TTN: variants seen among roughly 807,000 people sequenced by gnomAD.
The protein encoded by TTN is connectin.
Under a neutral mutation model 3,223.0 loss-of-function variants are expected in TTN, and 1,525 were observed. The ratio of observed to expected loss-of-function variants is 0.47; its 90% CI spans 0.45 to 0.49. TTN has a LOEUF of 0.49. Among genes scored for constraint, TTN ranks in the 20% least tolerant of loss-of-function variants. The pLI is 0.00. For synonymous variants in TTN, 14,094 were observed against 15,161.0 expected (o/e 0.93, Z 5.17); for missense variants, 40,786 against 43,424.0 (o/e 0.94, Z 5.40).
At position 178,672,412 on chromosome 2, in the gene TTN, G is replaced by A. The variant is rs375391365; in HGVS notation, c.34925C>T (p.Ala11642Val). 11 of 1,601,862 alleles carry A rather than the reference G, an allele frequency of 6.9e-6. No individual in the cohort carries two copies. The highest frequency in any genetic ancestry group is 1.4e-5 in the African/African-American group (1 of 73,968). Reference sequence around the variant, plus strand: ...CAGGATCTTTCCAAAAATACCTTTAGCTGGGGGAACAGCTTCCTTTTTAGG... The same window carrying A: ...CAGGATCTTTCCAAAAATACCTTTAACTGGGGGAACAGCTTCCTTTTTAGG... ...LVPKKEAVPP[A>V]KGRTVLEEKV... The change falls in exon 154 of 363, where the codon GCT becomes GTT. Residue 11642 changes from alanine (A) to valine (V), a missense_variant. By Grantham distance (64) the Ala-to-Val change is moderately conservative. Transcript: ENST00000589042.
chr2:178,670,315 A>C lies in TTN; in HGVS notation c.35309-20T>G, dbSNP rs1484011541. ...CCGGTACTTTAAAGATAATAGTAAT[A>C]ATTTCTTTTATTTTTAAATATACAA... On this transcript the variant is annotated intron_variant, in intron 156 of 362. Transcript: ENST00000589042. 1.5e-6 allele frequency: 2 copies of C among 1,345,058 alleles called. No individual in the cohort carries two copies. Among genetic ancestry groups the C allele is most frequent in the Non-Finnish European group, 1.9e-6 (2 of 1,028,708 alleles). The allele number at this position is 1,345,058 out of a possible 1,614,324, so 83.3% of individuals were successfully genotyped here.
Position 178,651,898 on chromosome 2 carries a change from G to T in TTN, c.39365C>A (p.Ala13122Glu). Reference protein sequence around the residue: ...PAEVVEEPEPAAPPQVTVPPK... With the variant: ...PAEVVEEPEPEAPPQVTVPPK... ...TTGCCATGTACCTTGTGGAGGCGCC[G>T]CTGGCTCTGGCTCTTCCACAACTTC... Residue 13122 changes from alanine (A) to glutamate (E), a missense_variant, in exon 205 of 363, where the codon GCG becomes GAG. Ala to Glu is a moderately radical substitution (Grantham distance 107). Coordinates refer to ENST00000589042, the MANE Select transcript of TTN (RefSeq NM_001267550.2). The T allele has an allele frequency of 1.2e-6, 2 of 1,608,038 alleles. No homozygotes were observed. The highest frequency in any genetic ancestry group is 1.1e-5 in the South Asian group (1 of 89,904).
In TTN at chr2:178,733,865, T is replaced by G. The variant is rs903635675; in HGVS notation, c.15524A>C (p.Asp5175Ala). Residue 5175 changes from aspartate to alanine, a missense_variant, in exon 53 of 363, where the codon GAT becomes GCT. Physicochemically the swap from Asp to Ala is moderately radical, Grantham distance 126. Coordinates refer to ENST00000589042, the MANE Select transcript of TTN (RefSeq NM_001267550.2). ...KEPPTFVKKV[D>A]DLIALGGQTV... The stretch of plus-strand genomic sequence containing the variant: ...TTGTCCTCCTAGTGCAATCAAATCA[T>G]CTACTTTCTTTACAAAGGTTGGAGG... The G allele has an allele frequency of 1.2e-6, 2 of 1,601,822 alleles. No individual in the cohort carries two copies. Among genetic ancestry groups the G allele is most frequent in the South Asian group, 2.2e-5 (2 of 89,908 alleles).
At position 178,731,991 on chromosome 2, in the gene TTN, A is replaced by G. The variant is rs1560806564; in HGVS notation, c.16904-20T>C. ...GTGACTCTACAGTAAAAAAGGAATG[A>G]TTTGCATTAAGGGAGGAGGGGTCTG... On this transcript the variant is annotated intron_variant, in intron 57 of 362. Coordinates refer to ENST00000589042, the MANE Select transcript of TTN (RefSeq NM_001267550.2). The G allele has an allele frequency of 1.9e-6, 3 of 1,594,432 alleles. No homozygotes were observed. The highest frequency in any genetic ancestry group is 2.6e-6 in the Non-Finnish European group (3 of 1,168,100).
chr2:178,600,920 C>G lies in TTN; in HGVS notation c.55984G>C (p.Val18662Leu), dbSNP rs746969341. The G allele has an allele frequency of 1.2e-6, 2 of 1,612,892 alleles. No homozygotes were observed. Among genetic ancestry groups the G allele is most frequent in the Admixed American group, 1.7e-5 (1 of 59,936 alleles). ...GGCTTGCTGACTCCTGCAGCATTGA[C>G]AGCTTTGACTCGGAATTCATATTCC... ...GGEYEFRVKA[V>L]NAAGVSKPSA... is the part of the protein sequence containing the mutation. Residue 18662 changes from valine to leucine, a missense_variant, in exon 288 of 363, where the codon GTC becomes CTC. Val to Leu is a conservative substitution (Grantham distance 32). Transcript: ENST00000589042.
At position 178,684,957 on chromosome 2, in the gene TTN, T is replaced by A. The variant is rs2070452664; in HGVS notation, c.32503A>T (p.Lys10835Ter). The A allele has an allele frequency of 6.2e-7, 1 of 1,608,608 alleles. No individual in the cohort carries two copies. The highest frequency in any genetic ancestry group is 1.7e-5 in the Admixed American group (1 of 59,432). ...PEAPKKIVPEKKVPAPVPKKE... is the reference protein window; with the variant it reads ...PEAPKKIVPE Reference sequence around the variant, plus strand: ...TTAGGAACTGGAGCAGGAACTTTCTTTTCTGGCACAATTTTCTTAGGTGCT... The same window carrying A: ...TTAGGAACTGGAGCAGGAACTTTCTATTCTGGCACAATTTTCTTAGGTGCT... The change falls in exon 130 of 363, where the codon AAG (lysine) becomes TAG (stop). Residue 10835 changes from lysine (K) to a stop codon, truncating the protein, a stop_gained. Coordinates refer to ENST00000589042, the MANE Select transcript of TTN (RefSeq NM_001267550.2). LOFTEE classifies it high-confidence loss of function.
rs372841288 is a variant in TTN at position 178,527,533 on chromosome 2, C to T, written c.107593G>A (p.Glu35865Lys). ...CCCATAAAGCTGCTGGAACTCATTT[C>T]TACAAAGGACTCTTGCATGGAGGAC... ...SMSSMQESFV[E>K]MSSSSFMGIS... Residue 35865 changes from glutamate (E) to lysine (K), a missense_variant, in exon 362 of 363, where the codon GAA becomes AAA. Coordinates refer to ENST00000589042, the MANE Select transcript of TTN (RefSeq NM_001267550.2). 7.4e-6 allele frequency: 12 copies of T among 1,613,880 alleles called. No homozygotes were observed. Among genetic ancestry groups the T allele is most frequent in the Non-Finnish European group, 1.0e-5 (12 of 1,179,888 alleles).
At chr2:178,767,196 GA>G (rs2090608068) in intron 40 of TTN, among the ~76,000 whole-genome samples, 1 of 152,164 alleles carries the variant, frequency 6.6e-6, no homozygotes, top group South Asian at 2.1e-4. Context: ...TATTTCTCTA[GA>G]CATGTTTCCT....
chr2:178,698,262 G>C (rs1253253572), intron 112 of TTN, among the ~76,000 whole-genome samples: 2 of 133,130 alleles, frequency 1.5e-5, no homozygotes, highest in Non-Finnish European at 3.1e-5. Context: ...TTGGTCAAAG[G>C]GTACAAAATC....
intron 330 of TTN, 66 bp downstream of exon 330, chr2:178,556,782 A>G: frequency 6.4e-7 from 1 of 1,562,372 alleles, no homozygotes. Flanking sequence ...GATTAGAACC[A>G]GGAAAAGGTA....
Position 178,685,327 on chromosome 2 carries a change from G to A in TTN, c.32396C>T (p.Thr10799Ile). The A allele has an allele frequency of 6.5e-7, 1 of 1,550,246 alleles. No individual in the cohort carries two copies. Among genetic ancestry groups the A allele is most frequent in the South Asian group, 1.2e-5 (1 of 83,220 alleles). Reference protein sequence around the residue: ...KRVEAEPAEVTERQEKKIVLK... With the variant: ...KRVEAEPAEVIERQEKKIVLK... The stretch of plus-strand genomic sequence containing the variant: ...TACAATTTTCTTCTCCTGCCTCTCT[G>A]TCACTTGAAAAGATTATAAAATATG... The change falls in exon 129 of 363, where the codon ACA becomes ATA. Residue 10799 changes from threonine (T) to isoleucine (I), a missense_variant. Coordinates refer to ENST00000589042, the MANE Select transcript of TTN (RefSeq NM_001267550.2).
intron 278 of TTN, among the ~76,000 whole-genome samples, chr2:178,606,327 G>T (rs1337811404): frequency 6.6e-6 from 1 of 151,838 alleles, no homozygotes; most frequent in African/African-American, 2.4e-5. Flanking sequence ...ACAGCCTGTG[G>T]TATATTGGAC....
Position 178,725,603 on chromosome 2 carries a change from G to A in TTN, c.20601C>T (p.Ala6867=), listed in dbSNP as rs374731328. Residue 6867 remains alanine, a synonymous_variant, in exon 71 of 363, where the codon GCC becomes GCT. Transcript: ENST00000589042. ...VSKLNSLTVV[A]GEPAELQASI... Reference sequence around the variant, plus strand: ...ATGCTTGTAATTCAGCAGGCTCTCCGGCTACAACAGTGAGGCTGTTCAGTT... The same window carrying A: ...ATGCTTGTAATTCAGCAGGCTCTCCAGCTACAACAGTGAGGCTGTTCAGTT... 1.4e-4 allele frequency: 227 copies of A among 1,608,132 alleles called. No homozygotes were observed. Among genetic ancestry groups the A allele is most frequent in the Non-Finnish European group, 1.8e-4 (212 of 1,177,084 alleles).
In TTN at chr2:178,609,385, G is replaced by A; in HGVS notation, c.51925C>T (p.Gln17309Ter). 6.2e-7 allele frequency: 1 copy of A among 1,612,238 alleles called. No individual in the cohort carries two copies. The highest frequency in any genetic ancestry group is 8.5e-7 in the Non-Finnish European group (1 of 1,179,032). ...PLVRRRKGEV[Q>*]EEEPFVLPLT... The stretch of plus-strand genomic sequence containing the variant: ...GGCAGGACAAATGGTTCTTCTTCTT[G>A]AACTTCACCCTTCCTTCTCCTAACC... Residue 17309 changes from glutamine (Q) to a stop codon, truncating the protein, a stop_gained, in exon 273 of 363, where the codon CAA (glutamine) becomes TAA (stop). Transcript: ENST00000589042. LOFTEE classifies it high-confidence loss of function.
chr2:178,733,686 C>T lies in TTN; in HGVS notation c.15703G>A (p.Gly5235Arg). The T allele has an allele frequency of 6.2e-7, 1 of 1,613,794 alleles. No homozygotes were observed. The highest frequency in any genetic ancestry group is 1.1e-5 in the South Asian group (1 of 91,072). ...LIIPDVQISF[G>R]GKYTCLAENE... ...TCAGCCAGGCACGTGTATTTGCCTC[C>T]AAAACTAATCTGAACATCAGGGATT... Residue 5235 changes from glycine to arginine, a missense_variant, in exon 53 of 363, where the codon GGA (glycine) becomes AGA (arginine). Coordinates refer to ENST00000589042, the MANE Select transcript of TTN (RefSeq NM_001267550.2).
In TTN at chr2:178,534,263, G is replaced by T; in HGVS notation, c.102352C>A (p.Arg34118=). ...AARISCGGAI[R]SQKGVSVAKV... is the part of the protein sequence containing the mutation. ...GCAACACTCACTCCCTTCTGAGATC[G>T]AATTGCACCACCACAGGAGATCCGG... Residue 34118 remains arginine (R), a synonymous_variant, in exon 358 of 363, where the codon CGA becomes AGA. Coordinates refer to ENST00000589042, the MANE Select transcript of TTN (RefSeq NM_001267550.2). The T allele has an allele frequency of 6.2e-7, 1 of 1,613,854 alleles. No individual in the cohort carries two copies. The highest frequency in any genetic ancestry group is 2.2e-5 in the East Asian group (1 of 44,880).
Position 178,713,383 on chromosome 2 carries a change from C to G in TTN, c.26762-11G>C. ...GAGGAACGGTTCGGTCTGAATGATA[C>G]AAAACAAAACAAAACAAAACAAAAC... On this transcript the variant is annotated splice_polypyrimidine_tract_variant and intron_variant, in intron 92 of 362. Coordinates refer to ENST00000589042, the MANE Select transcript of TTN (RefSeq NM_001267550.2). 1 of 1,452,968 alleles carries G rather than the reference C, an allele frequency of 6.9e-7. No homozygotes were observed. Among genetic ancestry groups the G allele is most frequent in the Non-Finnish European group, 9.1e-7 (1 of 1,102,842 alleles). 90.0% of individuals were successfully genotyped at this position (1,452,968 alleles called of 1,614,324 possible). A position where few individuals can be genotyped will look rare whatever the true frequency, so the allele number is the denominator to read the frequency against.
Position 178,652,514 on chromosome 2 carries a change from G to T in TTN, c.39071C>A (p.Pro13024His), listed in dbSNP as rs794729420. Residue 13024 changes from proline to histidine, a missense_variant, in exon 202 of 363, where the codon CCT becomes CAT. Coordinates refer to ENST00000589042, the MANE Select transcript of TTN (RefSeq NM_001267550.2). ...KVPEAPKEVVPEKKVPAAPPK... is the reference protein window; with the variant it reads ...KVPEAPKEVVHEKKVPAAPPK... ...AGGAGCCGCTGGCACTTTCTTTTCA[G>T]GAACAACTTCTTTCGGAGCCTCTGG... The T allele has an allele frequency of 6.2e-7, 1 of 1,613,408 alleles. No homozygotes were observed. Among genetic ancestry groups the T allele is most frequent in the African/African-American group, 1.3e-5 (1 of 74,862 alleles).
Position 178,782,264 on chromosome 2 carries a change from T to G in TTN, c.3328A>C (p.Lys1110Gln). 6.2e-7 allele frequency: 1 copy of G among 1,614,104 alleles called. No individual in the cohort carries two copies. Among genetic ancestry groups the G allele is most frequent in the Non-Finnish European group, 8.5e-7 (1 of 1,179,992 alleles). The change falls in exon 20 of 363, where the codon AAG (lysine) becomes CAG (glutamine). Residue 1110 changes from lysine (K) to glutamine (Q), a missense_variant. By Grantham distance (53) the Lys-to-Gln change is moderately conservative. Transcript: ENST00000589042. The part of the protein sequence containing the change: ...VFGCQVGGNP[K>Q]PHVYWKKSGV... ...GATTTTTTCCAGTATACATGGGGCT[T>G]TGGGTTGCCGCCAACTTGGCATCCA...
Sources: allele counts gnomAD v4.1 joint callset (sites outside exome capture counted in the v4.1 genomes callset), GRCh38; gene constraint gnomAD v4.1.1; transcripts MANE v1.5; gene names NCBI Gene and HGNC (gene_info 2026-07-23, HGNC 2026-07-21).